The following TBC1D9 variants were observed in gnomAD, a reference collection of about 807,000 sequenced individuals.
TBC1D9 encodes TBC1 domain family member 9, also known as TBC1 domain family member 9A.
Under a neutral mutation model 132.0 loss-of-function variants are expected in TBC1D9, and 63 were observed. The ratio of observed to expected loss-of-function variants is 0.48; its 90% CI spans 0.39 to 0.59. The LOEUF (loss-of-function observed/expected upper bound fraction) is 0.59, where lower values mean the gene tolerates loss of function less well. Ranked by LOEUF, TBC1D9 falls within the 20% of genes least tolerant of loss-of-function variation. TBC1D9 has a pLI of 0.00. For missense variants in TBC1D9, 1,261 were observed against 1,592.7 expected (o/e 0.79, Z 3.54); for synonymous variants, 610 against 609.9 (o/e 1.00, Z 0.00).
chr4:140,753,612 T>C (rs1269614928), intron 1 of TBC1D9, among the ~76,000 whole-genome samples: 2 of 152,220 alleles, frequency 1.3e-5, no homozygotes, highest in African/African-American at 2.4e-5. Context: ...TTACACCAGT[T>C]CAAATAACCA....
At chr4:140,688,958 T>A (rs1737830658) in intron 2 of TBC1D9, among the ~76,000 whole-genome samples, 1 of 152,076 alleles carries the variant, frequency 6.6e-6, no homozygotes, top group South Asian at 2.1e-4. Context: ...AGCTGTGACA[T>A]GCGGCAGACA....
rs569361276 is a variant in TBC1D9, at chr4:140,711,941, A to T, written c.131-10327T>A. ...TATGGTCTTCTGTGTTTTCAAAAAT[A>T]TCTCAAATGTACATTCAATACATTT... On this transcript the variant is annotated intron_variant, in intron 1 of 20. Coordinates refer to ENST00000442267, the MANE Select transcript of TBC1D9 (RefSeq NM_015130.3). Among the ~76,000 whole-genome samples the T allele has an allele frequency of 2.0e-5, 3 of 152,348 alleles. No individual in the cohort carries two copies. The South Asian group carries it at 6.2e-4, about 32-fold the overall frequency.
chr4:140,643,580 G>A (rs917426333), intron 13 of TBC1D9: 180 of 882,088 alleles, frequency 2.0e-4, no homozygotes, highest in Non-Finnish European at 3.6e-5. Context: ...GCTCGCTCAG[G>A]GCCGCCTGGG....
At chr4:140,699,304 T>C (rs1043199978) in intron 2 of TBC1D9, among the ~76,000 whole-genome samples, 2 of 151,970 alleles carry the variant, frequency 1.3e-5, no homozygotes, top group Non-Finnish European at 2.9e-5. Context: ...GAGAGAAAAA[T>C]CCCTACTCCT....
intron 2 of TBC1D9, among the ~76,000 whole-genome samples, chr4:140,694,610 G>T (rs1248397743): frequency 6.7e-6 from 1 of 149,540 alleles, no homozygotes; most frequent in South Asian, 2.1e-4. Context: ...TGATGGTATG[G>T]AAATACATTT....
At chr4:140,703,466 C>A (rs1278326721) in intron 1 of TBC1D9, among the ~76,000 whole-genome samples, 5 of 152,246 alleles carry the variant, frequency 3.3e-5, no homozygotes, top group African/African-American at 1.2e-4. Flanking sequence ...TCAGTTCTGG[C>A]TCTGACTCTG....
At chr4:140,714,254 G>A (rs1463152743) in intron 1 of TBC1D9, among the ~76,000 whole-genome samples, 1 of 152,238 alleles carries the variant, frequency 6.6e-6, no homozygotes, top group Non-Finnish European at 1.5e-5. Flanking sequence ...TTCAAGGCCT[G>A]AGGCAGTCTC....
chr4:140,745,730 C>A (rs968402652), intron 1 of TBC1D9, among the ~76,000 whole-genome samples: 3 of 151,982 alleles, frequency 2.0e-5, no homozygotes, highest in African/African-American at 7.2e-5. Flanking sequence ...TTGGGGGAGT[C>A]AAAAATTATA....
chr4:140,657,915 TTTCTGCTGACTG>T (rs1426554902), intron 11 of TBC1D9, 103 bp from the exon 12 acceptor site: 35 of 1,316,344 alleles, frequency 2.7e-5, no homozygotes, highest in Non-Finnish European at 3.5e-5. Flanking sequence ...ACTCTGTTCC[TTTCTGCTGACTG>T]TTCTGCTGTG....
chr4:140,755,263 T>C (rs964299151), intron 1 of TBC1D9, among the ~76,000 whole-genome samples: 2 of 152,176 alleles, frequency 1.3e-5, no homozygotes, highest in African/African-American at 4.8e-5. Context: ...ATTACAATAA[T>C]ACCTTGAAGG....
chr4:140,669,620 T>A lies in TBC1D9; in HGVS notation c.1437+14A>T. ...AAATCTACAAAGTTTCAGGGAAAAG[T>A]GAGAGGCACCCACCAATTTCGGGTT... On this transcript the variant is annotated intron_variant, in intron 8 of 20. Transcript: ENST00000442267. 1 of 1,595,008 alleles carries A rather than the reference T, an allele frequency of 6.3e-7. No homozygotes were observed. Among genetic ancestry groups the A allele is most frequent in the Non-Finnish European group, 8.6e-7 (1 of 1,164,448 alleles).
At chr4:140,651,194 C>T (rs1737182667) in intron 13 of TBC1D9, among the ~76,000 whole-genome samples, 1 of 152,210 alleles carries the variant, frequency 6.6e-6, no homozygotes. Flanking sequence ...CCTGGCTAGG[C>T]ACAGTGGCTC....
intron 13 of TBC1D9, 22 bp downstream of exon 13, chr4:140,657,073 GCT>G: frequency 6.2e-7 from 1 of 1,611,490 alleles, no homozygotes; most frequent in Non-Finnish European, 8.5e-7. Context: ...GTTAAGCCCT[GCT>G]CAGCCAGGAG....
At chr4:140,634,298 C>G in intron 15 of TBC1D9, 110 bp from the exon 16 acceptor site, 1 of 1,479,036 alleles carries the variant, frequency 6.8e-7, no homozygotes, top group Non-Finnish European at 9.0e-7. Context: ...TGTGCATCCC[C>G]TGGGGCAGGG....
chr4:140,662,214 A>T, intron 9 of TBC1D9, 107 bp from the exon 10 acceptor site: 3 of 941,612 alleles, frequency 3.2e-6, no homozygotes, highest in Non-Finnish European at 5.1e-6. Context: ...CTCTCAAAGG[A>T]AACTTGCAAG....
chr4:140,657,107 G>A lies in TBC1D9; in HGVS notation c.2327C>T (p.Thr776Ile). The change falls in exon 13 of 21, where the codon ACT becomes ATT. Residue 776 changes from threonine (T) to isoleucine (I), a missense_variant. Physicochemically the swap from Thr to Ile is moderately conservative, Grantham distance 89 (BLOSUM62 -1). Around this residue, in one of 3 missense-constraint regions of TBC1D9, gnomAD observed 618 missense variants for 724.4 expected, o/e 0.85. Coordinates refer to ENST00000442267, the MANE Select transcript of TBC1D9 (RefSeq NM_015130.3). ...PEVDIFRLIR[T>I]SYEKFGTIRA... Reference sequence around the variant, plus strand: ...GGAGACAAGACCTACCTCGTAGGAAGTTCTGATGAGTCTAAAGATGTCTAC... The same window carrying A: ...GGAGACAAGACCTACCTCGTAGGAAATTCTGATGAGTCTAAAGATGTCTAC... 1 of 1,613,790 alleles carries A rather than the reference G, an allele frequency of 6.2e-7. No individual in the cohort carries two copies. The highest frequency in any genetic ancestry group is 8.5e-7 in the Non-Finnish European group (1 of 1,179,802).
intron 13 of TBC1D9, among the ~76,000 whole-genome samples, chr4:140,640,184 A>T (rs1003162246): frequency 6.6e-6 from 1 of 152,126 alleles, no homozygotes; most frequent in Non-Finnish European, 1.5e-5. Flanking sequence ...CCTGGGAAAG[A>T]GATGCAAGTC....
At chr4:140,655,163 G>A (rs1486465861) in intron 13 of TBC1D9, among the ~76,000 whole-genome samples, 3 of 151,888 alleles carry the variant, frequency 2.0e-5, no homozygotes, top group African/African-American at 4.8e-5. Context: ...AATGTAAAAC[G>A]CTTATAGGAT....
intron 3 of TBC1D9, among the ~76,000 whole-genome samples, chr4:140,681,991 G>T (rs1737710829): frequency 6.6e-6 from 1 of 152,140 alleles, no homozygotes; most frequent in African/African-American, 2.4e-5. Flanking sequence ...TAAAAAGAAT[G>T]TCTCGAACAT....
Sources: gnomAD v4.1 joint callset for allele counts (sites outside exome capture counted in the v4.1 genomes callset) on GRCh38, gnomAD v4.1.1 for gene constraint, gnomAD v4.1.1 regional missense constraint, MANE v1.5 for transcripts, NCBI Gene and HGNC (gene_info 2026-07-23, HGNC 2026-07-21) for gene names.